The following ZIM2 variants were observed in gnomAD, a reference collection of about 807,000 sequenced individuals.
ZIM2 encodes the protein zinc finger imprinted 2.
In ZIM2, 14 loss-of-function variants were observed where a neutral mutation model predicts 38.6. The observed-to-expected ratio is 0.36, with a 90% CI of 0.24 to 0.57. ZIM2 has a LOEUF of 0.57. Among genes scored for constraint, ZIM2 ranks in the 20% least tolerant of loss-of-function variants. ZIM2 has a pLI of 0.81. For synonymous variants in ZIM2, 247 were observed against 245.8 expected, an observed-to-expected ratio of 1.00 and a Z score of -0.04; for missense variants, 680 against 695.1, an observed-to-expected ratio of 0.98 and a Z score of 0.24.
At chr19:56,786,015 A>G (rs1265832160) in intron 10 of ZIM2, among the ~76,000 whole-genome samples, 6 of 152,166 alleles carry the variant, frequency 3.9e-5, no homozygotes, top group Admixed American at 3.9e-4. Context: ...TGCACCTTCT[A>G]GCAGTCACTC....
rs1360703063 is a variant in ZIM2, at chr19:56,787,686, G to A, written c.570+2186C>T. On this transcript the variant is annotated intron_variant, in intron 10 of 12. Coordinates refer to ENST00000629319, the MANE Select transcript of ZIM2 (RefSeq NM_001387356.1). ...CCTCTTTGTACCTCTGGTAGAATTC[G>A]GCTGTCAATCTGTCTGGTCCTGGGT... Among the ~76,000 whole-genome samples, 4 of 149,606 alleles carry A rather than the reference G, an allele frequency of 2.7e-5. No individual in the cohort carries two copies. The East Asian group carries it at 5.8e-4, about 22-fold the overall frequency.
chr19:56,837,799 T>C (rs2062348048), intron 1 of ZIM2, among the ~76,000 whole-genome samples: 1 of 152,246 alleles, frequency 6.6e-6, no homozygotes, highest in South Asian at 2.1e-4. Flanking sequence ...TCACTCAAGA[T>C]GGCGCCTGCG....
intron 11 of ZIM2, among the ~76,000 whole-genome samples, chr19:56,780,697 C>T (rs1408233729): frequency 6.6e-6 from 1 of 152,124 alleles, no homozygotes; most frequent in African/African-American, 2.4e-5. Flanking sequence ...GCCTATCTAA[C>T]ATTCAGGGTT....
intron 9 of ZIM2, 64 bp downstream of exon 9, chr19:56,817,682 A>C (rs1030074501): frequency 6.4e-7 from 1 of 1,551,152 alleles, no homozygotes; most frequent in Non-Finnish European, 8.9e-7. Flanking sequence ...TGCAAAGTGT[A>C]GAAGTTCCTT....
chr19:56,818,113 T>G (rs1313977277), intron 8 of ZIM2, among the ~76,000 whole-genome samples: 1 of 152,216 alleles, frequency 6.6e-6, no homozygotes, highest in Non-Finnish European at 1.5e-5. Flanking sequence ...TTCACCTTCT[T>G]GTAACCACTT....
chr19:56,783,859 C>T (rs967281747), intron 10 of ZIM2, among the ~76,000 whole-genome samples: 2 of 152,184 alleles, frequency 1.3e-5, no homozygotes, highest in African/African-American at 4.8e-5. Context: ...AGACTGACCT[C>T]TTCAAATCTA....
chr19:56,813,905 T>C (rs767108664), intron 9 of ZIM2: 1 of 1,614,044 alleles, frequency 6.2e-7, no homozygotes, highest in Admixed American at 1.7e-5. Context: ...GAAGTGAAGG[T>C]TTCTGTGCAT....
At chr19:56,821,553 C>T in intron 7 of ZIM2, 98 bp downstream of exon 7, 1 of 1,458,510 alleles carries the variant, frequency 6.9e-7, no homozygotes. Flanking sequence ...CCCAGCTGGA[C>T]TCTAGGGGGC....
intron 7 of ZIM2, 58 bp from the exon 8 acceptor site, chr19:56,818,760 A>G: frequency 6.3e-7 from 1 of 1,584,992 alleles, no homozygotes; most frequent in Non-Finnish European, 8.7e-7. Flanking sequence ...GTTCAAAGAC[A>G]GAATAATGTT....
intron 9 of ZIM2, 78 bp from the exon 10 acceptor site, chr19:56,790,029 T>G: frequency 8.2e-7 from 1 of 1,224,966 alleles, no homozygotes; most frequent in East Asian, 2.8e-5. Flanking sequence ...GCCACCCTCA[T>G]GCCACCCTGT....
rs376810323 is a variant in ZIM2, at chr19:56,836,074, C to T, written c.-283G>A. 2 of 501,754 alleles carry T rather than the reference C, an allele frequency of 4.0e-6. No homozygotes were observed. The highest frequency in any genetic ancestry group is 8.0e-6 in the Non-Finnish European group (2 of 251,502). 31.1% of individuals were successfully genotyped at this position (501,754 alleles called of 1,614,324 possible). A position where few individuals can be genotyped will look rare whatever the true frequency, so the allele number is the denominator to read the frequency against. On this transcript the variant is annotated 5_prime_UTR_variant, in exon 2 of 13. Coordinates refer to ENST00000629319, the MANE Select transcript of ZIM2 (RefSeq NM_001387356.1). ...TCCCTCTTCCTCTCGCCAGTCGTCT[C>T]CAAGAAGGACGGAAGATCAAGAAGG...
intron 9 of ZIM2, chr19:56,797,843 A>G (rs1313001534): frequency 6.6e-6 from 1 of 152,226 alleles, no homozygotes; most frequent in Non-Finnish European, 1.5e-5. Context: ...ACTAGCCTCA[A>G]TAAGACACCA....
chr19:56,780,118 C>T (rs1015395802), intron 11 of ZIM2, among the ~76,000 whole-genome samples: 18 of 152,124 alleles, frequency 1.2e-4, no homozygotes, highest in African/African-American at 4.1e-4. Context: ...AATTCACTGA[C>T]GAGTTAATGA....
At chr19:56,801,463 G>A (rs572846213) in intron 9 of ZIM2, among the ~76,000 whole-genome samples, 5 of 152,010 alleles carry the variant, frequency 3.3e-5, no homozygotes, top group Non-Finnish European at 7.4e-5. Context: ...TCCCCAGTGC[G>A]GAAATAGAGA....
At chr19:56,791,872 A>G (rs1038785381) in intron 9 of ZIM2, among the ~76,000 whole-genome samples, 1 of 152,182 alleles carries the variant, frequency 6.6e-6, no homozygotes, top group Admixed American at 6.5e-5. Flanking sequence ...CAGAAGTTGA[A>G]CTTCCAGTCT....
chr19:56,778,670 T>C (rs984157251), intron 12 of ZIM2, among the ~76,000 whole-genome samples: 3 of 152,206 alleles, frequency 2.0e-5, no homozygotes, highest in African/African-American at 7.2e-5. Flanking sequence ...GGTCCCTGAA[T>C]ACAGCCCAGC....
At chr19:56,784,503 T>C (rs2046493118) in intron 10 of ZIM2, among the ~76,000 whole-genome samples, 2 of 152,206 alleles carry the variant, frequency 1.3e-5, no homozygotes, top group Admixed American at 6.5e-5. Context: ...CAGTGTCATA[T>C]TTAAACGATG....
chr19:56,837,534 T>G (rs929454263), intron 1 of ZIM2, among the ~76,000 whole-genome samples: 4 of 152,234 alleles, frequency 2.6e-5, no homozygotes, highest in Non-Finnish European at 5.9e-5. Flanking sequence ...GCTGCACAGC[T>G]GAACCCGCCC....
chr19:56,823,007 A>G (rs1315130777), intron 5 of ZIM2, among the ~76,000 whole-genome samples, 171 bp from the exon 6 acceptor site: 1 of 152,194 alleles, frequency 6.6e-6, no homozygotes, highest in Non-Finnish European at 1.5e-5. Context: ...TCTTTATCAT[A>G]TACCCGCAAC....
Sources: gnomAD v4.1 joint callset for allele counts (sites outside exome capture counted in the v4.1 genomes callset) on GRCh38, gnomAD v4.1.1 for gene constraint, MANE v1.5 for transcripts, NCBI Gene and HGNC (gene_info 2026-07-23, HGNC 2026-07-21) for gene names.